Variants in SGCD observed in about 807,000 individuals in gnomAD.
The protein encoded by SGCD is sarcoglycan delta.
Under a neutral mutation model 36.6 loss-of-function variants are expected in SGCD, and 18 were observed. The ratio of observed to expected loss-of-function variants is 0.49; its 90% confidence interval spans 0.34 to 0.73. The LOEUF (loss-of-function observed/expected upper bound fraction) is 0.73, where lower values mean the gene tolerates loss of function less well. Among genes scored for constraint, SGCD ranks in the 30% least tolerant of loss-of-function variants. SGCD has a pLI of 0.01. For missense variants in SGCD, 387 were observed against 346.7 expected (o/e 1.12, Z -0.92); for synonymous variants, 133 against 130.6 (o/e 1.02, Z -0.12).
intron 1 of SGCD, among the ~76,000 whole-genome samples, chr5:156,090,149 A>G (rs767091840): frequency 6.6e-6 from 1 of 152,136 alleles, no homozygotes; most frequent in Non-Finnish European, 1.5e-5. Context: ...AGGCCTGGGT[A>G]GGCACAGAAA....
intron 3 of SGCD, among the ~76,000 whole-genome samples, chr5:156,229,607 T>G (rs938518197): frequency 2.0e-5 from 3 of 152,086 alleles, no homozygotes; most frequent in African/African-American, 7.2e-5. Flanking sequence ...ATTCTTTTAT[T>G]TGTCTTAACT....
intron 1 of SGCD, among the ~76,000 whole-genome samples, chr5:155,933,381 T>G (rs1162510583): frequency 6.6e-6 from 1 of 152,192 alleles, no homozygotes; most frequent in East Asian, 1.9e-4. Context: ...AATGCTCAAT[T>G]ACTTGTTTAT....
At chr5:156,603,819 A>T (rs979254743) in intron 6 of SGCD, among the ~76,000 whole-genome samples, 2 of 151,986 alleles carry the variant, frequency 1.3e-5, no homozygotes, top group Admixed American at 6.5e-5. Context: ...ATAACATGTG[A>T]TCTATTTTGG....
intron 3 of SGCD, among the ~76,000 whole-genome samples, chr5:156,303,552 C>T (rs934702137): frequency 6.6e-6 from 1 of 151,172 alleles, no homozygotes; most frequent in Non-Finnish European, 1.5e-5. Context: ...AGTCTGTCCT[C>T]ATGGTCACCA....
At chr5:156,044,590 A>G (rs1394120085) in intron 1 of SGCD, among the ~76,000 whole-genome samples, 2 of 152,176 alleles carry the variant, frequency 1.3e-5, no homozygotes, top group African/African-American at 4.8e-5. Context: ...TCATAATTGT[A>G]GTTGGTTCAC....
chr5:156,131,090 G>A (rs1177565629), intron 3 of SGCD, among the ~76,000 whole-genome samples: 2 of 152,156 alleles, frequency 1.3e-5, no homozygotes, highest in Non-Finnish European at 1.5e-5. Context: ...TATTACTTCT[G>A]CCCTCAAGGA....
chr5:156,730,811 G>T (rs1231819548), intron 7 of SGCD, among the ~76,000 whole-genome samples: 1 of 152,022 alleles, frequency 6.6e-6, no homozygotes, highest in Admixed American at 6.6e-5. Flanking sequence ...GGTCTTTAAG[G>T]AATTGCCGCA....
intron 1 of SGCD, among the ~76,000 whole-genome samples, chr5:156,110,172 C>T (rs1238063337): frequency 6.6e-6 from 1 of 152,136 alleles, no homozygotes; most frequent in African/African-American, 2.4e-5. Context: ...CAAATCTCAG[C>T]CCTGCTGCCT....
intron 1 of SGCD, among the ~76,000 whole-genome samples, chr5:155,950,659 C>G (rs2113429421): frequency 6.6e-6 from 1 of 152,204 alleles, no homozygotes; most frequent in South Asian, 2.1e-4. Context: ...TCTCTCTTCC[C>G]CAAAGACTTC....
chr5:155,788,887 C>T, the SGCD span, among the ~76,000 whole-genome samples: 6 of 152,060 alleles, frequency 3.9e-5, no homozygotes, highest in Non-Finnish European at 8.8e-5. Flanking sequence ...AATGATAGTT[C>T]AGGCCAAGAG....
rs1024697521 is a variant in SGCD, at chr5:156,052,898, A to G, written c.-281-64980A>G. 4.1e-5 allele frequency among the ~76,000 whole-genome samples: 6 copies of G among 146,178 alleles called. 1 individual carries two copies. Among genetic ancestry groups the G allele is most frequent in the Non-Finnish European group, 7.7e-5 (5 of 64,834 alleles). On this transcript the variant is annotated intron_variant, in intron 1 of 9. Coordinates refer to the SGCD transcript ENST00000517913. ...CCCTGGGGTTTTGCCCAGAGACTCA[A>G]TTGGGGCAGAGTTAATCACTGCTGG...
rs1283635649 is a variant in SGCD, at chr5:156,239,431, G to A, written c.-43-90103G>A. Among the ~76,000 whole-genome samples the A allele has an allele frequency of 6.1e-5, 9 of 148,664 alleles. No individual in the cohort carries two copies. In the East Asian group the frequency reaches 1.6e-3, roughly 26 times the overall value. On this transcript the variant is annotated intron_variant, in intron 3 of 9. Coordinates refer to the SGCD transcript ENST00000517913. ...AAAAAAAAAAAAAAAATTAGATTTG[G>A]TCAGTGCAAGGGGGAATAGTATAGT... is the stretch of plus-strand genomic sequence containing the variant.
At chr5:156,707,907 G>T (rs1339693582) in intron 7 of SGCD, among the ~76,000 whole-genome samples, 2 of 152,130 alleles carry the variant, frequency 1.3e-5, no homozygotes, top group East Asian at 3.9e-4. Flanking sequence ...AGAAGAGATT[G>T]GACTATGTCA....
At chr5:156,040,982 C>A (rs1759618932) in intron 1 of SGCD, among the ~76,000 whole-genome samples, 1 of 152,144 alleles carries the variant, frequency 6.6e-6, no homozygotes, top group Non-Finnish European at 1.5e-5. Flanking sequence ...AAGTAAACTT[C>A]TTGGGATTTT....
rs757769130 is a variant in SGCD at position 156,061,919 on chromosome 5, CTTTT to C, written c.-281-55937_-281-55934del. On this transcript the variant is annotated intron_variant, in intron 1 of 9. Transcript: ENST00000517913. ...TTGGTGATAATTCCAGGAGTTTTCA[CTTTT>C]TTTTTTTTTTTTTTTTTTTTTATTA... Among the ~76,000 whole-genome samples the C allele has an allele frequency of 6.1e-4, 44 of 71,766 alleles. 3 individuals are homozygous for C. The highest frequency in any genetic ancestry group is 1.9e-3 in the African/African-American group (32 of 16,652). The allele number at this position is 71,766 out of a possible 152,430, so 47.1% of individuals were successfully genotyped here. A position where few individuals can be genotyped will look rare whatever the true frequency, so the allele number is the denominator to read the frequency against.
intron 1 of SGCD, among the ~76,000 whole-genome samples, chr5:156,003,560 G>A (rs1051583791): frequency 6.6e-6 from 1 of 152,124 alleles, no homozygotes; most frequent in African/African-American, 2.4e-5. Flanking sequence ...AAGTAGCCTC[G>A]TCCAGTGTTT....
At chr5:155,777,599 A>C in the SGCD span, among the ~76,000 whole-genome samples, 1 of 151,990 alleles carries the variant, frequency 6.6e-6, no homozygotes, top group Non-Finnish European at 1.5e-5. Flanking sequence ...TAAGCGACCT[A>C]TCCCACTGAG....
intron 1 of SGCD, among the ~76,000 whole-genome samples, chr5:156,109,590 A>G (rs1460624769): frequency 6.6e-6 from 1 of 152,128 alleles, no homozygotes; most frequent in Non-Finnish European, 1.5e-5. Flanking sequence ...GAATTTATAA[A>G]TTTCCTTGAA....
At chr5:155,840,712 A>C in the SGCD span, among the ~76,000 whole-genome samples, 3 of 151,642 alleles carry the variant, frequency 2.0e-5, no homozygotes, top group Non-Finnish European at 4.4e-5. Flanking sequence ...GAAGAATGGT[A>C]TTAAAAATCA....
Sources: gnomAD v4.1 joint callset for allele counts (sites outside exome capture counted in the v4.1 genomes callset) on GRCh38, gnomAD v4.1.1 for gene constraint, MANE v1.5 for transcripts, NCBI Gene and HGNC (gene_info 2026-07-23, HGNC 2026-07-21) for gene names.